Variants in DUS2 observed in about 807,000 individuals in gnomAD.
The protein encoded by DUS2 is dihydrouridine synthase 2.
A neutral mutation model predicts 71.3 loss-of-function variants in DUS2; 52 were observed. That is an observed-to-expected ratio of 0.73 (90% CI 0.58 to 0.92). The LOEUF is 0.92. DUS2 is among the 40% of genes least tolerant of loss of function. The pLI, the probability that DUS2 is intolerant of heterozygous loss-of-function variation, is 0.00. For missense variants in DUS2, 558 were observed against 622.6 expected (o/e 0.90, Z 1.10); for synonymous variants, 204 against 227.8 (o/e 0.90, Z 0.94).
At chr16:68,075,607 G>C in intron 14 of DUS2, 103 bp downstream of exon 14, 1 of 1,206,798 alleles carries the variant, frequency 8.3e-7, no homozygotes. Context: ...CAAACGTAGG[G>C]ACCACAGGTC....
chr16:68,050,894 G>A (rs1006075944), intron 4 of DUS2, among the ~76,000 whole-genome samples: 1 of 152,152 alleles, frequency 6.6e-6, no homozygotes, highest in Admixed American at 6.5e-5. Flanking sequence ...ATATTTTGTG[G>A]TTCTTCTCTC....
chr16:68,030,494 G>A (rs2151408637), intron 2 of DUS2, among the ~76,000 whole-genome samples: 1 of 152,236 alleles, frequency 6.6e-6, no homozygotes, highest in African/African-American at 2.4e-5. Flanking sequence ...AGGAGGCTGA[G>A]GCAGGAGAAT....
chr16:68,078,435 T>G lies in DUS2; in HGVS notation c.1171-10T>G. ...CTCTGGCCATGTGATTCCTTTTCTCTTTGTATCAGGTTCAACGCCCTCTAG... is the reference window on the plus strand; with the variant it reads ...CTCTGGCCATGTGATTCCTTTTCTCGTTGTATCAGGTTCAACGCCCTCTAG... On this transcript the variant is annotated splice_polypyrimidine_tract_variant and intron_variant, in intron 15 of 16. Coordinates refer to ENST00000565263, the MANE Select transcript of DUS2 (RefSeq NM_017803.5). 6.2e-7 allele frequency: 1 copy of G among 1,613,970 alleles called. No individual in the cohort carries two copies. The highest frequency in any genetic ancestry group is 2.2e-5 in the East Asian group (1 of 44,888).
chr16:68,072,310 C>G lies in DUS2; in HGVS notation c.810+1202C>G, dbSNP rs1402099729. On this transcript the variant is annotated intron_variant, in intron 12 of 16. Coordinates refer to ENST00000565263, the MANE Select transcript of DUS2 (RefSeq NM_017803.5). Reference sequence around the variant, plus strand: ...GGCAAGTTGGTGACCACCAGCTCTCCAATGGTCTGGGATAGCTCCATGGCA... The same window carrying G: ...GGCAAGTTGGTGACCACCAGCTCTCGAATGGTCTGGGATAGCTCCATGGCA... Among the ~76,000 whole-genome samples the G allele has an allele frequency of 2.0e-4, 31 of 152,192 alleles. 1 individual carries two copies. The highest frequency in any genetic ancestry group is 2.0e-3 in the Admixed American group (31 of 15,270).
intron 3 of DUS2, among the ~76,000 whole-genome samples, chr16:68,043,793 G>T (rs1002954138): frequency 2.1e-4 from 32 of 152,210 alleles, no homozygotes; most frequent in African/African-American, 3.6e-4. Flanking sequence ...GCCTCCCAGG[G>T]AGCTGGGACT....
At chr16:68,031,680 A>G (rs559157999) in intron 2 of DUS2, among the ~76,000 whole-genome samples, 75 of 151,966 alleles carry the variant, frequency 4.9e-4, no homozygotes, top group Non-Finnish European at 9.4e-4. Flanking sequence ...ATGTCCATGT[A>G]ACTGAAGTTA....
intron 3 of DUS2, among the ~76,000 whole-genome samples, chr16:68,042,226 A>G (rs572298777): frequency 2.5e-3 from 374 of 152,246 alleles, no homozygotes; most frequent in African/African-American, 8.3e-3. Context: ...ATAATACTCT[A>G]TTGTATGTAT....
intron 2 of DUS2, among the ~76,000 whole-genome samples, chr16:68,035,031 A>G (rs1232132748): frequency 6.6e-6 from 1 of 151,544 alleles, no homozygotes; most frequent in Non-Finnish European, 1.5e-5. Context: ...TAATATTAGC[A>G]GTAGTTTTCT....
rs115750614 is a variant in DUS2, at chr16:68,070,626, A to G, written c.642-314A>G. ...AGCTTGGGGGTTTTCCTGTAGCCCCAGTAGCCCAGTTATGGACCCATGTCT... is the reference window on the plus strand; with the variant it reads ...AGCTTGGGGGTTTTCCTGTAGCCCCGGTAGCCCAGTTATGGACCCATGTCT... On this transcript the variant is annotated intron_variant, in intron 11 of 16. Transcript: ENST00000565263. Among the ~76,000 whole-genome samples, 1,211 of 152,312 alleles carry G rather than the reference A, an allele frequency of 8.0e-3. 16 individuals are homozygous for G. The highest frequency in any genetic ancestry group is 0.027 in the African/African-American group (1,137 of 41,572).
chr16:68,045,530 G>A (rs1256922306), intron 3 of DUS2, among the ~76,000 whole-genome samples: 2 of 151,024 alleles, frequency 1.3e-5, no homozygotes, highest in African/African-American at 4.9e-5. Context: ...AGAATCGCTC[G>A]AACCCAGGAG....
At position 68,044,578 on chromosome 16, in the gene DUS2, G is replaced by T. The variant is rs564283929; in HGVS notation, c.127-4927G>T. On this transcript the variant is annotated intron_variant, in intron 3 of 16. Transcript: ENST00000565263. The stretch of plus-strand genomic sequence containing the variant: ...ACATGGCTAATTTTTGTATTTTTTT[G>T]TAGAGTTAGGGTTTCACCATGTTGC... Among the ~76,000 whole-genome samples, 14 of 151,476 alleles carry T rather than the reference G, an allele frequency of 9.2e-5. No individual in the cohort carries two copies. In the East Asian group the frequency reaches 2.7e-3, roughly 30 times the overall value.
At chr16:68,070,803 T>TA in intron 11 of DUS2, 137 bp from the exon 12 acceptor site, 1 of 809,706 alleles carries the variant, frequency 1.2e-6, no homozygotes, top group Non-Finnish European at 2.0e-6. Flanking sequence ...ATATCCACTT[T>TA]ACTGAAGCTC....
chr16:68,036,823 G>C (rs2033537267), intron 2 of DUS2, among the ~76,000 whole-genome samples: 1 of 151,936 alleles, frequency 6.6e-6, no homozygotes. Flanking sequence ...CTTTGCATTG[G>C]TTATTTCCTC....
chr16:68,065,147 C>T (rs1473401756), intron 8 of DUS2, among the ~76,000 whole-genome samples: 1 of 152,170 alleles, frequency 6.6e-6, no homozygotes, highest in South Asian at 2.1e-4. Flanking sequence ...ACTTCTTGAT[C>T]TTTCTTTGAA....
chr16:68,061,770 C>T (rs2033943083), intron 8 of DUS2, among the ~76,000 whole-genome samples: 1 of 152,176 alleles, frequency 6.6e-6, no homozygotes, highest in Admixed American at 6.5e-5. Context: ...CCTGTCTGGG[C>T]TTTAAGCCTC....
chr16:68,055,625 C>T (rs552509306), intron 6 of DUS2, among the ~76,000 whole-genome samples: 1 of 152,160 alleles, frequency 6.6e-6, no homozygotes, highest in East Asian at 1.9e-4. Context: ...GTGCTACCAA[C>T]CTCTGGCATA....
intron 12 of DUS2, among the ~76,000 whole-genome samples, chr16:68,071,446 A>G (rs1477043976): frequency 6.6e-6 from 1 of 152,198 alleles, no homozygotes; most frequent in Non-Finnish European, 1.5e-5. Flanking sequence ...ACAGAGGCAT[A>G]TGCACGTGGA....
Position 68,038,033 on chromosome 16 carries a change from A to C in DUS2, c.10A>C (p.Asn4His). ...TGTAACAGAGGAGGAAATGATTTTG[A>C]ATAGCCTCTCTCTGTGTTACCATAA... MILNSLSLCYHNKL... is the reference protein window; with the variant it reads MILHSLSLCYHNKL... Residue 4 changes from asparagine (N) to histidine (H), a missense_variant, in exon 3 of 17, where the codon AAT (asparagine) becomes CAT (histidine). Asn to His is a moderately conservative substitution (Grantham distance 68, BLOSUM62 1). Coordinates refer to ENST00000565263, the MANE Select transcript of DUS2 (RefSeq NM_017803.5). The C allele has an allele frequency of 6.2e-7, 1 of 1,613,534 alleles. No individual in the cohort carries two copies. The highest frequency in any genetic ancestry group is 8.5e-7 in the Non-Finnish European group (1 of 1,179,738).
At chr16:68,030,322 G>T (rs1014651250) in intron 2 of DUS2, among the ~76,000 whole-genome samples, 4 of 151,692 alleles carry the variant, frequency 2.6e-5, no homozygotes, top group Non-Finnish European at 4.4e-5. Context: ...GGCCAGGAGT[G>T]GTGACTCACA....
Sources: gnomAD v4.1 joint callset for allele counts (sites outside exome capture counted in the v4.1 genomes callset) on GRCh38, gnomAD v4.1.1 for gene constraint, MANE v1.5 for transcripts, NCBI Gene and HGNC (gene_info 2026-07-23, HGNC 2026-07-21) for gene names.